Variants in ANGPT2 observed in about 807,000 individuals in gnomAD.
The protein encoded by ANGPT2 is angiopoietin 2.
Under a neutral mutation model 62.9 loss-of-function variants are expected in ANGPT2, and 28 were observed. The observed-to-expected ratio is 0.44, with a 90% confidence interval of 0.33 to 0.61. The LOEUF is 0.61. Among genes scored for constraint, ANGPT2 ranks in the 20% least tolerant of loss-of-function variants. ANGPT2 has a pLI of 0.03. For synonymous variants in ANGPT2, 284 were observed against 207.8 expected, an observed-to-expected ratio of 1.37 and a Z score of -3.15; for missense variants, 727 against 594.9, an observed-to-expected ratio of 1.22 and a Z score of -2.31.
Position 6,501,171 on chromosome 8 carries a change from C to G in ANGPT2, c.*1930G>C, listed in dbSNP as rs1812105304. ...AAAGTGCACCTTGGTGGAAATAAAACAGAGCCTTGACTTTGCCAGAGTCCA... is the reference window on the plus strand; with the variant it reads ...AAAGTGCACCTTGGTGGAAATAAAAGAGAGCCTTGACTTTGCCAGAGTCCA... On this transcript the variant is annotated 3_prime_UTR_variant, in exon 9 of 9. Coordinates refer to ENST00000629816, the MANE Select transcript of ANGPT2 (RefSeq NM_001118887.2). 2 of 152,200 alleles carry G rather than the reference C, an allele frequency of 1.3e-5. No homozygotes were observed. Among genetic ancestry groups the G allele is most frequent in the Admixed American group, 6.5e-5 (1 of 15,274 alleles). The allele number at this position is 152,200 out of a possible 1,614,324, so 9.4% of individuals were successfully genotyped here. A position where few individuals can be genotyped will look rare whatever the true frequency, so the allele number is the denominator to read the frequency against.
chr8:6,533,556 T>C (rs1819928419), intron 1 of ANGPT2, among the ~76,000 whole-genome samples: 1 of 148,148 alleles, frequency 6.8e-6, no homozygotes, highest in African/African-American at 2.5e-5. Flanking sequence ...TCCAGATACT[T>C]AGCGTTTAGT....
rs140043275 is a variant in ANGPT2, at chr8:6,535,919, T to C, written c.289-3432A>G. 2.3e-3 allele frequency among the ~76,000 whole-genome samples: 344 copies of C among 150,624 alleles called. 2 individuals are homozygous for C. Among genetic ancestry groups the C allele is most frequent in the African/African-American group, 7.8e-3 (318 of 41,024 alleles). On this transcript the variant is annotated intron_variant, in intron 1 of 8. Coordinates refer to ENST00000629816, the MANE Select transcript of ANGPT2 (RefSeq NM_001118887.2). ...AAAAAAAAAAAAAATTAGCTTGGCC[T>C]GGTAGTGCGAGCCTGTAGTCTCAGG...
At chr8:6,521,570 A>T (rs1445727283) in intron 3 of ANGPT2, among the ~76,000 whole-genome samples, 160 bp from the exon 4 acceptor site, 1 of 152,368 alleles carries the variant, frequency 6.6e-6, no homozygotes, top group East Asian at 1.9e-4. Context: ...AAACTTGCTG[A>T]GAAGATTAGA....
At chr8:6,556,584 C>T (rs1036253155) in intron 1 of ANGPT2, among the ~76,000 whole-genome samples, 2 of 151,998 alleles carry the variant, frequency 1.3e-5, no homozygotes, top group African/African-American at 4.8e-5. Context: ...CATAGTGTCC[C>T]CCTGGGGCAA....
At chr8:6,548,185 G>T (rs940247946) in intron 1 of ANGPT2, among the ~76,000 whole-genome samples, 5 of 152,104 alleles carry the variant, frequency 3.3e-5, no homozygotes, top group Non-Finnish European at 7.3e-5. Context: ...GTGGCTTGAG[G>T]CGGCACGCTT....
At chr8:6,508,766 G>T in intron 8 of ANGPT2, 166 bp downstream of exon 8, 1 of 966,728 alleles carries the variant, frequency 1.0e-6, no homozygotes, top group Non-Finnish European at 1.6e-6. Flanking sequence ...TTAAAACTTA[G>T]TCTAAAAAAA....
rs57438422 is a variant in ANGPT2, at chr8:6,550,443, C to T, written c.288+12204G>A. ...CTTGTTGCCCTGGCACCAAGCCAAC[C>T]ACTCAGCATCCAGCGCGTCCTCACC... On this transcript the variant is annotated intron_variant, in intron 1 of 8. Coordinates refer to ENST00000629816, the MANE Select transcript of ANGPT2 (RefSeq NM_001118887.2). 2.6e-3 allele frequency among the ~76,000 whole-genome samples: 396 copies of T among 152,344 alleles called. 4 individuals are homozygous for T. The highest frequency in any genetic ancestry group is 9.3e-3 in the African/African-American group (386 of 41,588).
intron 1 of ANGPT2, among the ~76,000 whole-genome samples, chr8:6,552,035 C>T (rs374194801): frequency 2.0e-4 from 31 of 152,226 alleles, no homozygotes; most frequent in African/African-American, 5.5e-4. Flanking sequence ...TCTGTTGATT[C>T]CAGAAATTAT....
intron 1 of ANGPT2, among the ~76,000 whole-genome samples, chr8:6,539,407 A>C (rs1169285318): frequency 6.6e-6 from 1 of 152,146 alleles, no homozygotes; most frequent in African/African-American, 2.4e-5. Context: ...CTAAAGGCCG[A>C]GGGAGGGAAG....
chr8:6,526,302 C>T lies in ANGPT2; in HGVS notation c.566+1253G>A, dbSNP rs2129570502. Among the ~76,000 whole-genome samples the T allele has an allele frequency of 2.9e-5, 4 of 137,058 alleles. 1 individual carries two copies. The East Asian group carries it at 9.1e-4, about 31-fold the overall frequency. The allele number at this position is 137,058 out of a possible 152,430, so 89.9% of individuals were successfully genotyped here. Reference sequence around the variant, plus strand: ...AAAAAAAAATCAGCTGGGTGTGTGACACATGCCTGTAGTCCCAGCTACTCA... The same window carrying T: ...AAAAAAAAATCAGCTGGGTGTGTGATACATGCCTGTAGTCCCAGCTACTCA... On this transcript the variant is annotated intron_variant, in intron 3 of 8. Transcript: ENST00000629816.
At chr8:6,504,210 C>T (rs1342873465) in intron 8 of ANGPT2, among the ~76,000 whole-genome samples, 2 of 144,678 alleles carry the variant, frequency 1.4e-5, no homozygotes, top group East Asian at 2.1e-4. Flanking sequence ...CCCAGCTACT[C>T]GGGAGGCTGA....
Position 6,563,140 on chromosome 8 carries a change from T to G in ANGPT2, c.-206A>C, listed in dbSNP as rs1586643998. The G allele has an allele frequency of 4.0e-6, 2 of 502,384 alleles. No individual in the cohort carries two copies. Among genetic ancestry groups the G allele is most frequent in the East Asian group, 6.6e-5 (2 of 30,206 alleles). The allele number at this position is 502,384 out of a possible 1,614,324, so 31.1% of individuals were successfully genotyped here. On this transcript the variant is annotated 5_prime_UTR_variant, in exon 1 of 9. Coordinates refer to ENST00000629816, the MANE Select transcript of ANGPT2 (RefSeq NM_001118887.2). ...CCAGGCATGCAGTAAACTGTCAGAT[T>G]GCAGTGGGAAGAACAGTCCTGCTCA...
chr8:6,520,512 C>T (rs998674113), intron 4 of ANGPT2, among the ~76,000 whole-genome samples: 1 of 152,160 alleles, frequency 6.6e-6, no homozygotes, highest in African/African-American at 2.4e-5. Context: ...TCTCCTACCT[C>T]AGCCTCCCAA....
At chr8:6,559,147 C>G (rs1270895832) in intron 1 of ANGPT2, among the ~76,000 whole-genome samples, 1 of 151,826 alleles carries the variant, frequency 6.6e-6, no homozygotes, top group East Asian at 1.9e-4. Context: ...GGATTTTTTT[C>G]TTTCCTCTAA....
At chr8:6,560,032 C>A (rs1207380388) in intron 1 of ANGPT2, among the ~76,000 whole-genome samples, 1 of 152,160 alleles carries the variant, frequency 6.6e-6, no homozygotes, top group African/African-American at 2.4e-5. Flanking sequence ...GTCTAAGCTC[C>A]CTAGGCTATG....
At chr8:6,561,314 T>G (rs1272015598) in intron 1 of ANGPT2, among the ~76,000 whole-genome samples, 3 of 152,172 alleles carry the variant, frequency 2.0e-5, no homozygotes, top group Non-Finnish European at 4.4e-5. Context: ...TTTTGGTAAG[T>G]TTTTGTTGTT....
At chr8:6,529,840 C>T (rs1819113380) in intron 2 of ANGPT2, among the ~76,000 whole-genome samples, 1 of 150,938 alleles carries the variant, frequency 6.6e-6, no homozygotes, top group African/African-American at 2.4e-5. Context: ...TTCTTATTTT[C>T]CTGTTATCCT....
intron 1 of ANGPT2, among the ~76,000 whole-genome samples, chr8:6,558,151 A>T (rs1035690171): frequency 1.3e-5 from 2 of 152,296 alleles, no homozygotes; most frequent in Admixed American, 1.3e-4. Flanking sequence ...ATTATGCTAT[A>T]ATGCCACTGT....
chr8:6,503,317 C>G (rs779212052), intron 8 of ANGPT2, 56 bp from the exon 9 acceptor site: 28 of 1,591,526 alleles, frequency 1.8e-5, no homozygotes, highest in Middle Eastern at 1.7e-4. Flanking sequence ...GCTCCCACCA[C>G]GAAGACAGCA....
Sources: allele counts gnomAD v4.1 joint callset (sites outside exome capture counted in the v4.1 genomes callset), GRCh38; gene constraint gnomAD v4.1.1; transcripts MANE v1.5; gene names NCBI Gene and HGNC (gene_info 2026-07-23, HGNC 2026-07-21).